SV2B: variants seen among roughly 807,000 people sequenced by gnomAD.
SV2B encodes the protein solute carrier family 22 member B2.
SV2B carries 41 observed loss-of-function variants against 73.9 expected under a neutral mutation model. That is an observed-to-expected ratio of 0.56 (90% CI 0.43 to 0.72). SV2B has a LOEUF of 0.72. Among genes scored for constraint, SV2B ranks in the 30% least tolerant of loss-of-function variants. The pLI is 0.00. For missense variants in SV2B, 764 were observed against 857.8 expected (o/e 0.89, Z 1.37); for synonymous variants, 314 against 314.2 (o/e 1.00, Z 0.01).
intron 1 of SV2B, among the ~76,000 whole-genome samples, chr15:91,120,423 C>T (rs1286262569): frequency 6.6e-6 from 1 of 152,150 alleles, no homozygotes; most frequent in Non-Finnish European, 1.5e-5. Flanking sequence ...GGTCTCTCCC[C>T]CAATATTTGG....
intron 1 of SV2B, among the ~76,000 whole-genome samples, chr15:91,120,687 G>A (rs1452090205): frequency 3.3e-5 from 5 of 151,716 alleles, no homozygotes; most frequent in African/African-American, 7.3e-5. Flanking sequence ...GGTGGCATGC[G>A]CCTGTAGTCA....
rs2042232065 is a variant in SV2B at position 91,118,215 on chromosome 15, C to T, written c.-392+17852C>T. Among the ~76,000 whole-genome samples, 1 of 152,110 alleles carries T rather than the reference C, an allele frequency of 6.6e-6. No individual in the cohort carries two copies. Among genetic ancestry groups the T allele is most frequent in the African/African-American group, 2.4e-5 (1 of 41,414 alleles). ...AAAAAGGGAGACAGGGTACCTTGCA[C>T]CCTAGCTGGGTGTTTGCTGATCCAT... On this transcript the variant is annotated intron_variant, in intron 1 of 12. Transcript: ENST00000394232. This position sits in a 1 kb window ranked among gnomAD's most constrained non-coding sequence, Gnocchi z 4.7.
At chr15:91,146,104 C>A (rs2043139329) in intron 1 of SV2B, among the ~76,000 whole-genome samples, 1 of 152,060 alleles carries the variant, frequency 6.6e-6, no homozygotes, top group African/African-American at 2.4e-5. Context: ...CCAGAGTTTT[C>A]TATAATTTTG....
intron 1 of SV2B, among the ~76,000 whole-genome samples, chr15:91,159,658 T>C (rs190593339): frequency 6.6e-6 from 1 of 152,322 alleles, no homozygotes; most frequent in Admixed American, 6.5e-5. Context: ...TATGAATACT[T>C]GTTATCATGG....
At chr15:91,184,910 T>C (rs753449906) in intron 1 of SV2B, among the ~76,000 whole-genome samples, 4 of 152,252 alleles carry the variant, frequency 2.6e-5, no homozygotes, top group Non-Finnish European at 4.4e-5. Flanking sequence ...AGTGTACTAA[T>C]GATAGTATAA....
intron 1 of SV2B, among the ~76,000 whole-genome samples, chr15:91,117,435 T>G (rs549999792): frequency 6.6e-6 from 1 of 152,370 alleles, no homozygotes; most frequent in South Asian, 2.1e-4. Context: ...CCCTAATTAT[T>G]GCAGTGGCTC....
At position 91,284,097 on chromosome 15, in the gene SV2B, G is replaced by A. The variant is rs2048777155; in HGVS notation, c.1584G>A (p.Met528Ile). The change falls in exon 11 of 13, where the codon ATG becomes ATA. Residue 528 changes from methionine to isoleucine, a missense_variant. Transcript: ENST00000394232. This position sits in a 1 kb window ranked among gnomAD's most constrained non-coding sequence, Gnocchi z 4.5. Reference sequence around the variant, plus strand: ...TGGAGCAGAAGGAGGGCTGCCACATGGACTTGGAGCAAGATAATGACTTCC... The same window carrying A: ...TGGAGCAGAAGGAGGGCTGCCACATAGACTTGGAGCAAGATAATGACTTCC... ...TFLEQKEGCH[M>I]DLEQDNDFLI... The A allele has an allele frequency of 2.5e-6, 4 of 1,614,040 alleles. No homozygotes were observed. The highest frequency in any genetic ancestry group is 3.3e-5 in the Admixed American group (2 of 60,006).
chr15:91,209,026 A>G (rs866340699), intron 1 of SV2B, among the ~76,000 whole-genome samples: 12 of 151,822 alleles, frequency 7.9e-5, no homozygotes, highest in Admixed American at 7.9e-4. Flanking sequence ...TACATAGGTG[A>G]CAGAAGAGTC....
intron 2 of SV2B, among the ~76,000 whole-genome samples, chr15:91,243,696 A>G (rs2141575794): frequency 6.6e-6 from 1 of 152,224 alleles, no homozygotes. Flanking sequence ...TAAAGTCTCT[A>G]GGTTGCCAGG....
chr15:91,166,546 CCTAT>C (rs1281817123), intron 1 of SV2B, among the ~76,000 whole-genome samples: 1 of 151,662 alleles, frequency 6.6e-6, no homozygotes, highest in Non-Finnish European at 1.5e-5. Flanking sequence ...TTTTTCAGCA[CCTAT>C]CTTTTTCTCC....
Position 91,252,376 on chromosome 15 carries a change from G to T in SV2B, c.640G>T (p.Gly214Cys), listed in dbSNP as rs1305123999. 6.2e-7 allele frequency: 1 copy of T among 1,610,392 alleles called. No homozygotes were observed. The change falls in exon 4 of 13, where the codon GGT becomes TGT. Residue 214 changes from glycine (G) to cysteine (C), a missense_variant. Transcript: ENST00000394232. The surrounding 1 kb of genome is among the most constrained non-coding windows in gnomAD (Gnocchi z 4.6). Reference sequence around the variant, plus strand: ...GGCATTTTTCCTTTGCAGTATTGGGGGTGCTCTACCGATTGTTTTTGCCTA... The same window carrying T: ...GGCATTTTTCCTTTGCAGTATTGGGTGTGCTCTACCGATTGTTTTTGCCTA... ...CRLISGIGIG[G>C]ALPIVFAYFS...
At position 91,226,415 on chromosome 15, in the gene SV2B, A is replaced by G. The variant is rs2046380436; in HGVS notation, c.152A>G (p.Gln51Arg). 5 of 1,614,084 alleles carry G rather than the reference A, an allele frequency of 3.1e-6. No individual in the cohort carries two copies. Among genetic ancestry groups the G allele is most frequent in the Admixed American group, 1.7e-5 (1 of 60,012 alleles). The change falls in exon 2 of 13, where the codon CAG (glutamine) becomes CGG (arginine). Residue 51 changes from glutamine (Q) to arginine (R), a missense_variant. Coordinates refer to ENST00000394232, the MANE Select transcript of SV2B (RefSeq NM_001323032.3). ...GACGAGATCTATGAGGGCGAGTACCAGGGTATCCCTCACCCAGATGATGTC... is the reference window on the plus strand; with the variant it reads ...GACGAGATCTATGAGGGCGAGTACCGGGGTATCCCTCACCCAGATGATGTC... ...EEDEIYEGEY[Q>R]GIPHPDDVKA...
At chr15:91,186,812 T>C (rs11073985) in intron 1 of SV2B, among the ~76,000 whole-genome samples, 112,363 of 152,104 alleles carry the variant, frequency 0.74, 42,563 homozygotes, top group African/African-American at 0.92. Context: ...TTCACCACTG[T>C]GCAATATATC....
intron 4 of SV2B, among the ~76,000 whole-genome samples, chr15:91,255,644 A>G (rs2047661467): frequency 6.6e-6 from 1 of 152,224 alleles, no homozygotes; most frequent in Non-Finnish European, 1.5e-5. Context: ...AAATTATTTT[A>G]CCCCAAATGG....
At position 91,226,409 on chromosome 15, in the gene SV2B, A is replaced by G. The variant is rs759514782; in HGVS notation, c.146A>G (p.Glu49Gly). The G allele has an allele frequency of 6.2e-7, 1 of 1,614,206 alleles. No individual in the cohort carries two copies. The highest frequency in any genetic ancestry group is 8.5e-7 in the Non-Finnish European group (1 of 1,180,032). The change falls in exon 2 of 13, where the codon GAG becomes GGG. Residue 49 changes from glutamate to glycine, a missense_variant. Glu to Gly is a moderately conservative substitution (Grantham distance 98). Transcript: ENST00000394232. ...GAGGAAGACGAGATCTATGAGGGCG[A>G]GTACCAGGGTATCCCTCACCCAGAT... ...HDEEDEIYEGEYQGIPHPDDV... is the reference protein window; with the variant it reads ...HDEEDEIYEGGYQGIPHPDDV...
In SV2B at chr15:91,261,981, C is replaced by A. The variant is rs2047924792; in HGVS notation, c.1008+1572C>A. ...CCTTCCTGGAGTAACTCCTACCTAA[C>A]TTTGATTCACTGCTTTTATTTTTTA... On this transcript the variant is annotated intron_variant, in intron 6 of 12. Transcript: ENST00000394232. This position sits in a 1 kb window ranked among gnomAD's most constrained non-coding sequence, Gnocchi z 4.7. Among the ~76,000 whole-genome samples, 1 of 152,204 alleles carries A rather than the reference C, an allele frequency of 6.6e-6. No individual in the cohort carries two copies. Among genetic ancestry groups the A allele is most frequent in the African/African-American group, 2.4e-5 (1 of 41,458 alleles).
rs761502738 is a variant in SV2B at position 91,292,429 on chromosome 15, C to T, written c.1929C>T (p.Thr643=). The T allele has an allele frequency of 6.8e-6, 11 of 1,614,034 alleles. No individual in the cohort carries two copies. Among genetic ancestry groups the T allele is most frequent in the African/African-American group, 1.3e-5 (1 of 74,908 alleles). Residue 643 remains threonine (T), a synonymous_variant, in exon 13 of 13, where the codon ACC becomes ACT. Transcript: ENST00000394232. ...AATTTGGCGCCATCCTGGGAAACAC[C>T]ATCTTTGCTTCTTTTGTTGGGATAA... is the stretch of plus-strand genomic sequence containing the variant. ...LCKFGAILGN[T]IFASFVGITK...
chr15:91,117,772 C>T (rs1023359052), intron 1 of SV2B, among the ~76,000 whole-genome samples: 2 of 152,158 alleles, frequency 1.3e-5, no homozygotes, highest in African/African-American at 4.8e-5. Context: ...CAGTAGAAGA[C>T]ATGGCAAAGT....
At position 91,224,035 on chromosome 15, in the gene SV2B, T is replaced by C. The variant is rs541754451; in HGVS notation, c.-391-1838T>C. ...TTGAGAACCACTGGTTTCCATCCTC[T>C]CAGAAGGAAATGCATTGTATTGTCT... On this transcript the variant is annotated intron_variant, in intron 1 of 12. Transcript: ENST00000394232. This position sits in a 1 kb window ranked among gnomAD's most constrained non-coding sequence, Gnocchi z 4.9. Among the ~76,000 whole-genome samples, 1 of 152,288 alleles carries C rather than the reference T, an allele frequency of 6.6e-6. No individual in the cohort carries two copies. Among genetic ancestry groups the C allele is most frequent in the Non-Finnish European group, 1.5e-5 (1 of 68,020 alleles).
Sources: allele counts gnomAD v4.1 joint callset (sites outside exome capture counted in the v4.1 genomes callset), GRCh38; gene constraint gnomAD v4.1.1; non-coding constraint Gnocchi (gnomAD v3.1); transcripts MANE v1.5; gene names NCBI Gene and HGNC (gene_info 2026-07-23, HGNC 2026-07-21).